DDX42: variants seen among roughly 807,000 people sequenced by gnomAD.
The protein encoded by DDX42 is ATP-dependent RNA helicase DDX42.
Under a neutral mutation model 101.5 loss-of-function variants are expected in DDX42, and 22 were observed. The ratio of observed to expected loss-of-function variants is 0.22; its 90% CI spans 0.15 to 0.31. The LOEUF (loss-of-function observed/expected upper bound fraction) is 0.31. Among genes scored for constraint, DDX42 ranks in the 10% least tolerant of loss-of-function variants. DDX42 has a pLI of 1.00. For missense variants in DDX42, 849 were observed against 1,199.9 expected (o/e 0.71, Z 4.32); for synonymous variants, 402 against 401.2 (o/e 1.00, Z -0.02).
At chr17:63,783,957 G>A (rs767246410) in intron 1 of DDX42, among the ~76,000 whole-genome samples, 1 of 152,042 alleles carries the variant, frequency 6.6e-6, no homozygotes, top group Non-Finnish European at 1.5e-5. Context: ...CCAGCTACTC[G>A]GGAGGCTGAG....
chr17:63,783,292 A>G (rs983082572), intron 1 of DDX42, among the ~76,000 whole-genome samples: 4 of 152,204 alleles, frequency 2.6e-5, no homozygotes, highest in African/African-American at 9.6e-5. Flanking sequence ...TCAGTAAACC[A>G]TTGAAAGTTT....
intron 15 of DDX42, among the ~76,000 whole-genome samples, chr17:63,814,253 A>C (rs990484746): frequency 1.3e-5 from 2 of 152,202 alleles, no homozygotes; most frequent in East Asian, 3.8e-4. Context: ...GCATTCTAAC[A>C]AATCAAACCT....
Position 63,805,263 on chromosome 17 carries a change from A to AT in DDX42, c.726+91dup, listed in dbSNP as rs1016277391. 1.3e-4 allele frequency: 199 copies of AT among 1,478,514 alleles called. No homozygotes were observed. In the African/African-American group the frequency reaches 2.4e-3, roughly 18 times the overall value. 91.6% of individuals were successfully genotyped at this position (1,478,514 alleles called of 1,614,324 possible). ...TGGTTATCTAAACTAATAACCTTGA[A>AT]TTTCTTTTCTAATGGTCTCTGAACT... On this transcript the variant is annotated intron_variant, in intron 7 of 17. Coordinates refer to ENST00000389924, the MANE Select transcript of DDX42 (RefSeq NM_203499.3).
At chr17:63,799,672 T>G (rs1466370389) in intron 5 of DDX42, 47 bp downstream of exon 5, 2 of 1,590,906 alleles carry the variant, frequency 1.3e-6, no homozygotes, top group Admixed American at 1.7e-5. Context: ...ATCCACAAAG[T>G]CTATACTGGG....
intron 16 of DDX42, 91 bp downstream of exon 16, chr17:63,815,764 A>C: frequency 2.3e-6 from 2 of 872,518 alleles, no homozygotes; most frequent in East Asian, 5.4e-5. Context: ...GGAAAGCCTC[A>C]GTGAGTTTAA....
chr17:63,788,213 T>C (rs1230419046), intron 2 of DDX42, among the ~76,000 whole-genome samples: 1 of 151,630 alleles, frequency 6.6e-6, no homozygotes, highest in Non-Finnish European at 1.5e-5. Context: ...CCTGGTGGTC[T>C]TTACTGCAGT....
At chr17:63,780,529 T>C (rs2144523103) in intron 1 of DDX42, among the ~76,000 whole-genome samples, 1 of 152,274 alleles carries the variant, frequency 6.6e-6, no homozygotes, top group South Asian at 2.1e-4. Context: ...ACCAAGGATA[T>C]AGTGCTGGAC....
chr17:63,813,878 C>T (rs949574495), intron 15 of DDX42, among the ~76,000 whole-genome samples: 4 of 151,782 alleles, frequency 2.6e-5, no homozygotes, highest in Non-Finnish European at 4.4e-5. Flanking sequence ...CTCACTCTAT[C>T]GCCCAGGCTG....
chr17:63,798,484 A>G (rs1265857535), intron 4 of DDX42, among the ~76,000 whole-genome samples: 1 of 152,242 alleles, frequency 6.6e-6, no homozygotes. Context: ...TGGCAACTGT[A>G]TCATGAAAAC....
intron 14 of DDX42, 78 bp from the exon 15 acceptor site, chr17:63,813,150 T>C: frequency 7.5e-7 from 1 of 1,340,690 alleles, no homozygotes; most frequent in Admixed American, 2.4e-5. Context: ...TGTGGCTTAT[T>C]AGCACTAGCA....
rs534924470 is a variant in DDX42, at chr17:63,781,304, A to T, written c.-16-5730A>T. 3.9e-5 allele frequency among the ~76,000 whole-genome samples: 6 copies of T among 151,920 alleles called. 1 individual carries two copies. Among genetic ancestry groups the T allele is most frequent in the African/African-American group, 1.4e-4 (6 of 41,432 alleles). On this transcript the variant is annotated intron_variant, in intron 1 of 17. Coordinates refer to ENST00000389924, the MANE Select transcript of DDX42 (RefSeq NM_203499.3). ...CGGATCTTGGCTCACCGCAAGCTCTACCTCCCAGGTTCATGCCTTTCTCCT... is the reference window on the plus strand; with the variant it reads ...CGGATCTTGGCTCACCGCAAGCTCTTCCTCCCAGGTTCATGCCTTTCTCCT...
chr17:63,816,816 G>A (rs537874116), intron 16 of DDX42, 52 bp from the exon 17 acceptor site: 7 of 1,499,888 alleles, frequency 4.7e-6, no homozygotes, highest in Admixed American at 3.6e-5. Context: ...GTCTATAGCA[G>A]TGAGCTTTCC....
chr17:63,789,493 C>T (rs1028478466), intron 2 of DDX42, among the ~76,000 whole-genome samples: 1 of 147,464 alleles, frequency 6.8e-6, no homozygotes, highest in Non-Finnish European at 1.5e-5. Context: ...GGATTATAGG[C>T]GTGAGCTACT....
intron 1 of DDX42, among the ~76,000 whole-genome samples, chr17:63,782,690 T>G (rs1250858603): frequency 6.6e-6 from 1 of 152,160 alleles, no homozygotes; most frequent in East Asian, 1.9e-4. Flanking sequence ...CACAGGTGCT[T>G]TCTTAGTTCA....
In DDX42 at chr17:63,808,807, C is replaced by T. The variant is rs375270233; in HGVS notation, c.1024-13C>T. ...TGTCACAGTTTGTTAATATATTATT[C>T]ACAACTTTGTAGATCCATGCAGAAT... On this transcript the variant is annotated splice_polypyrimidine_tract_variant and intron_variant, in intron 9 of 17. Coordinates refer to ENST00000389924, the MANE Select transcript of DDX42 (RefSeq NM_203499.3). The T allele has an allele frequency of 1.2e-6, 2 of 1,612,774 alleles. No homozygotes were observed. The highest frequency in any genetic ancestry group is 1.7e-6 in the Non-Finnish European group (2 of 1,179,322).
chr17:63,815,789 G>A (rs1598344778), intron 16 of DDX42, 116 bp downstream of exon 16: 3 of 601,532 alleles, frequency 5.0e-6, no homozygotes, highest in Admixed American at 3.5e-5. Context: ...CTGTCTAGAA[G>A]GGAATTTGTA....
At chr17:63,784,091 C>G (rs908308904) in intron 1 of DDX42, among the ~76,000 whole-genome samples, 4 of 152,014 alleles carry the variant, frequency 2.6e-5, no homozygotes, top group African/African-American at 4.8e-5. Context: ...CAAACAAAAA[C>G]CTTAAAACTA....
At chr17:63,811,007 A>G in intron 12 of DDX42, 69 bp from the exon 13 acceptor site, 7 of 1,313,898 alleles carry the variant, frequency 5.3e-6, no homozygotes, top group Non-Finnish European at 7.4e-6. Context: ...CCTGAATGCC[A>G]AAGAAGCTTA....
chr17:63,807,980 G>C, intron 9 of DDX42, 80 bp downstream of exon 9: 6 of 1,411,338 alleles, frequency 4.3e-6, no homozygotes, highest in African/African-American at 1.5e-5. Context: ...AGAATGACCA[G>C]GAAACTTTTT....
Sources: allele counts gnomAD v4.1 joint callset (sites outside exome capture counted in the v4.1 genomes callset), GRCh38; gene constraint gnomAD v4.1.1; transcripts MANE v1.5; gene names NCBI Gene and HGNC (gene_info 2026-07-23, HGNC 2026-07-21).